The following FHIT variants were observed in gnomAD, a reference collection of about 807,000 sequenced individuals.
FHIT encodes the protein bis(5'-adenosyl)-triphosphatase.
Under a neutral mutation model 17.9 loss-of-function variants are expected in FHIT, and 19 were observed. The observed-to-expected ratio is 1.06, with a 90% CI of 0.74 to 1.56. The LOEUF (loss-of-function observed/expected upper bound fraction) is 1.56. FHIT is among the 40% of genes most tolerant of loss of function. The pLI is 0.00. For missense variants in FHIT, 248 were observed against 189.2 expected (o/e 1.31, Z -1.82); for synonymous variants, 81 against 69.7 (o/e 1.16, Z -0.81).
chr3:60,568,532 C>T (rs2037224493), intron 4 of FHIT, among the ~76,000 whole-genome samples: 1 of 152,034 alleles, frequency 6.6e-6, no homozygotes, highest in African/African-American at 2.4e-5. Context: ...GGGTGCAGCA[C>T]ACCAACATGG....
At chr3:59,938,125 T>C (rs1397527912) in intron 7 of FHIT, among the ~76,000 whole-genome samples, 1 of 152,128 alleles carries the variant, frequency 6.6e-6, no homozygotes, top group Admixed American at 6.6e-5. Context: ...GCATTATCTA[T>C]AGTAGTGAAG....
rs1699407923 is a variant in FHIT, at chr3:60,129,131, C to G, written c.104-114979G>C. Reference sequence around the variant, plus strand: ...GCAGTGGCGCAATCTTGGCTCACTGCAACCTCCGCCTCCCGGGTTCAAACA... The same window carrying G: ...GCAGTGGCGCAATCTTGGCTCACTGGAACCTCCGCCTCCCGGGTTCAAACA... On this transcript the variant is annotated intron_variant, in intron 5 of 9. Transcript: ENST00000492590. 2.1e-5 allele frequency among the ~76,000 whole-genome samples: 3 copies of G among 143,126 alleles called. No homozygotes were observed. The Admixed American group carries it at 2.3e-4, about 11-fold the overall frequency. 93.9% of individuals were successfully genotyped at this position (143,126 alleles called of 152,430 possible).
At chr3:60,253,748 A>G (rs1444114193) in intron 5 of FHIT, among the ~76,000 whole-genome samples, 1 of 152,194 alleles carries the variant, frequency 6.6e-6, no homozygotes. Context: ...CCTTCTTATC[A>G]GCCAATATGT....
At chr3:59,908,933 G>A (rs544915819) in intron 8 of FHIT, among the ~76,000 whole-genome samples, 97 of 151,404 alleles carry the variant, frequency 6.4e-4, no homozygotes, top group Middle Eastern at 6.9e-3. Context: ...GAGTTGACTT[G>A]GTGATTGAGA....
At chr3:60,067,412 A>G (rs1267296006) in intron 5 of FHIT, among the ~76,000 whole-genome samples, 1 of 152,198 alleles carries the variant, frequency 6.6e-6, no homozygotes, top group Non-Finnish European at 1.5e-5. Flanking sequence ...CCTTTCCCCT[A>G]AAGAAAGATA....
At chr3:60,906,414 A>C (rs373095430) in intron 3 of FHIT, among the ~76,000 whole-genome samples, 6 of 152,314 alleles carry the variant, frequency 3.9e-5, no homozygotes, top group African/African-American at 1.4e-4. Flanking sequence ...CTGTCTACTT[A>C]TCTACCTATC....
At chr3:60,704,762 G>C (rs9866844) in intron 4 of FHIT, among the ~76,000 whole-genome samples, 16,764 of 152,074 alleles carry the variant, frequency 0.11, 1,994 homozygotes, top group African/African-American at 0.3. Context: ...CTGGTCAGTC[G>C]TCTGATTAAT....
chr3:60,850,998 A>C (rs1267535154), intron 3 of FHIT, among the ~76,000 whole-genome samples: 1 of 152,110 alleles, frequency 6.6e-6, no homozygotes, highest in Non-Finnish European at 1.5e-5. Context: ...ACTCACTCCC[A>C]TATACACACA....
chr3:60,031,104 A>G (rs937501252), intron 5 of FHIT, among the ~76,000 whole-genome samples: 1 of 152,196 alleles, frequency 6.6e-6, no homozygotes, highest in Non-Finnish European at 1.5e-5. Flanking sequence ...CAGCTTGGAA[A>G]TTTTTGTAGA....
At chr3:60,732,669 C>T (rs1467779614) in intron 4 of FHIT, 4 of 344,478 alleles carry the variant, frequency 1.2e-5, no homozygotes, top group African/African-American at 6.8e-5. Flanking sequence ...GCAGTGGCAG[C>T]GTCTGCAAAG....
rs1706745033 is a variant in FHIT at position 60,269,256 on chromosome 3, T to G, written c.104-255104A>C. Among the ~76,000 whole-genome samples, 4 of 152,372 alleles carry G rather than the reference T, an allele frequency of 2.6e-5. No homozygotes were observed. The South Asian group carries it at 8.3e-4, about 32-fold the overall frequency. On this transcript the variant is annotated intron_variant, in intron 5 of 9. Transcript: ENST00000492590. Reference sequence around the variant, plus strand: ...AAGGAATAAGTATGAGCCATCAAGATATTTTCAGTTTTCTACGTCTTTAAC... The same window carrying G: ...AAGGAATAAGTATGAGCCATCAAGAGATTTTCAGTTTTCTACGTCTTTAAC...
chr3:61,190,996 G>A (rs560261463), intron 2 of FHIT, among the ~76,000 whole-genome samples: 1 of 151,852 alleles, frequency 6.6e-6, no homozygotes, highest in African/African-American at 2.4e-5. Context: ...ACGAGTTAAT[G>A]GGGGCAGCAC....
chr3:60,849,122 A>G (rs188718317), intron 3 of FHIT, among the ~76,000 whole-genome samples: 4 of 152,286 alleles, frequency 2.6e-5, no homozygotes, highest in Admixed American at 2.6e-4. Flanking sequence ...CCATGTAATT[A>G]TAACTAGATT....
intron 8 of FHIT, among the ~76,000 whole-genome samples, chr3:59,865,467 T>C (rs1702602346): frequency 1.3e-5 from 2 of 152,220 alleles, no homozygotes; most frequent in African/African-American, 4.8e-5. Context: ...TTATATTACT[T>C]TATGTAGCTG....
At chr3:59,987,337 A>G (rs1709030510) in intron 7 of FHIT, among the ~76,000 whole-genome samples, 1 of 151,806 alleles carries the variant, frequency 6.6e-6, no homozygotes, top group South Asian at 2.1e-4. Context: ...ACGGTTAGAA[A>G]TTAGAGCCAA....
intron 5 of FHIT, among the ~76,000 whole-genome samples, chr3:60,218,018 A>C (rs1703777234): frequency 6.6e-6 from 1 of 152,196 alleles, no homozygotes; most frequent in Admixed American, 6.5e-5. Flanking sequence ...AAAATTGTTA[A>C]TTCTTGTTTA....
intron 5 of FHIT, among the ~76,000 whole-genome samples, chr3:60,285,637 T>C (rs556482398): frequency 6.6e-6 from 1 of 152,270 alleles, no homozygotes; most frequent in African/African-American, 2.4e-5. Flanking sequence ...TTTTAGGAAA[T>C]CATCTTGGGT....
intron 5 of FHIT, among the ~76,000 whole-genome samples, chr3:60,367,470 A>T (rs1324334024): frequency 6.6e-6 from 1 of 152,234 alleles, no homozygotes; most frequent in Non-Finnish European, 1.5e-5. Flanking sequence ...GGAAAGTCTA[A>T]GAAAACTCTT....
intron 8 of FHIT, among the ~76,000 whole-genome samples, chr3:59,767,529 G>A (rs1267617401): frequency 6.6e-6 from 1 of 152,148 alleles, no homozygotes; most frequent in Non-Finnish European, 1.5e-5. Context: ...GTTCCTGGCT[G>A]AAGGAGAGAT....
Sources: gnomAD v4.1 joint callset for allele counts (sites outside exome capture counted in the v4.1 genomes callset) on GRCh38, gnomAD v4.1.1 for gene constraint, MANE v1.5 for transcripts, NCBI Gene and HGNC (gene_info 2026-07-23, HGNC 2026-07-21) for gene names.